The following SLC10A2 variants were observed in gnomAD, a reference collection of about 807,000 sequenced individuals.
The protein encoded by SLC10A2 is ileal sodium/bile acid cotransporter.
In SLC10A2, 34 loss-of-function variants were observed where a neutral mutation model predicts 27.1. That is an observed-to-expected ratio of 1.26 (90% CI 0.96 to 1.67). SLC10A2 has a LOEUF of 1.67. Ranked by LOEUF, SLC10A2 falls within the 40% of genes most tolerant of loss-of-function variation. The probability of loss-of-function intolerance (pLI) is 0.00; values close to 1 mark genes in which losing one functional copy is unlikely to be tolerated. For missense variants in SLC10A2, 530 were observed against 444.4 expected, an observed-to-expected ratio of 1.19 and a Z score of -1.73; for synonymous variants, 205 against 174.0, an observed-to-expected ratio of 1.18 and a Z score of -1.40.
intron 1 of SLC10A2, among the ~76,000 whole-genome samples, chr13:103,062,458 C>T (rs936266799): frequency 6.6e-6 from 1 of 152,162 alleles, no homozygotes; most frequent in African/African-American, 2.4e-5. Flanking sequence ...GAGTACTTAG[C>T]ACTGTGCATG....
chr13:103,062,166 A>C (rs901572998), intron 1 of SLC10A2, among the ~76,000 whole-genome samples: 2 of 152,230 alleles, frequency 1.3e-5, no homozygotes, highest in Non-Finnish European at 2.9e-5. Context: ...TTGTAATCAT[A>C]TTAGAAGTAA....
intron 1 of SLC10A2, among the ~76,000 whole-genome samples, chr13:103,060,651 C>T (rs1357706592): frequency 6.6e-6 from 1 of 152,110 alleles, no homozygotes; most frequent in African/African-American, 2.4e-5. Flanking sequence ...GCTGGGATTA[C>T]AGGCGGGAGC....
At chr13:103,047,207 C>T (rs1354638663) in intron 5 of SLC10A2, among the ~76,000 whole-genome samples, 1 of 152,128 alleles carries the variant, frequency 6.6e-6, no homozygotes, top group East Asian at 1.9e-4. Flanking sequence ...ATAGTAAATG[C>T]TCAATAAATG....
In SLC10A2 at chr13:103,058,266, A is replaced by G. The variant is rs1441581172; in HGVS notation, c.494T>C (p.Ile165Thr). 6.5e-7 allele frequency: 1 copy of G among 1,542,242 alleles called. No individual in the cohort carries two copies. Reference sequence around the variant, plus strand: ...AGTCTTACAGATGGATGACTTACCTATGTTATCATAGGGAATTACGATGCT... The same window carrying G: ...AGTCTTACAGATGGATGACTTACCTGTGTTATCATAGGGAATTACGATGCT... ...SGSIVIPYDNIGTSLVSLVVP... is the reference protein window; with the variant it reads ...SGSIVIPYDNTGTSLVSLVVP... The change falls in exon 2 of 6, where the codon ATA becomes ACA. Residue 165 changes from isoleucine (I) to threonine (T), a missense_variant and splice_region_variant. By Grantham distance (89) the Ile-to-Thr change is moderately conservative (BLOSUM62 -1). Transcript: ENST00000245312.
intron 2 of SLC10A2, among the ~76,000 whole-genome samples, chr13:103,055,090 A>G (rs541553522): frequency 3.3e-5 from 5 of 152,118 alleles, no homozygotes; most frequent in Non-Finnish European, 7.4e-5. Context: ...TAGATTTGGA[A>G]CTGAACCTTT....
chr13:103,061,254 T>C (rs1448601724), intron 1 of SLC10A2, among the ~76,000 whole-genome samples: 2 of 152,212 alleles, frequency 1.3e-5, no homozygotes, highest in Non-Finnish European at 2.9e-5. Flanking sequence ...TTAATAGTAC[T>C]TTGTCCTACT....
At chr13:103,054,604 A>T (rs1037201115) in intron 2 of SLC10A2, among the ~76,000 whole-genome samples, 7 of 151,908 alleles carry the variant, frequency 4.6e-5, no homozygotes, top group African/African-American at 1.4e-4. Flanking sequence ...TCCTGCTAAG[A>T]GTATTCATCT....
rs144788019 is a variant in SLC10A2, at chr13:103,049,378, G to C, written c.830C>G (p.Ser277Cys). 2 of 1,614,074 alleles carry C rather than the reference G, an allele frequency of 1.2e-6. No individual in the cohort carries two copies. Among genetic ancestry groups the C allele is most frequent in the African/African-American group, 2.7e-5 (2 of 75,040 alleles). ...GACATTGAGCTCCTCAGGAGTGAAG[G>C]AGAGCTGAACGATGGTGGAACATAG... ...TQLCSTIVQL[S>C]FTPEELNVVF... is the part of the protein sequence containing the mutation. Residue 277 changes from serine (S) to cysteine (C), a missense_variant, in exon 5 of 6, where the codon TCC (serine) becomes TGC (cysteine). By Grantham distance (112) the Ser-to-Cys change is moderately radical (BLOSUM62 -1). Transcript: ENST00000245312.
intron 2 of SLC10A2, among the ~76,000 whole-genome samples, chr13:103,054,837 C>A (rs917909198): frequency 6.6e-6 from 1 of 152,064 alleles, no homozygotes. Context: ...GGCTGGTGAT[C>A]TTGCTCTTTT....
chr13:103,049,835 T>G lies in SLC10A2; in HGVS notation c.762-389A>C, dbSNP rs547280035. 7.9e-5 allele frequency among the ~76,000 whole-genome samples: 12 copies of G among 152,274 alleles called. No homozygotes were observed. In the South Asian group the frequency reaches 2.5e-3, roughly 32 times the overall value. On this transcript the variant is annotated intron_variant, in intron 4 of 5. Transcript: ENST00000245312. ...ATGGTATTTGTTGTCGCTGTTTTATTGTTTAATTTGTTTTGTTTAGGCTGG... is the reference window on the plus strand; with the variant it reads ...ATGGTATTTGTTGTCGCTGTTTTATGGTTTAATTTGTTTTGTTTAGGCTGG...
rs1875549219 is a variant in SLC10A2 at position 103,044,471 on chromosome 13, C to G, written c.*1662G>C. 1.3e-5 allele frequency: 2 copies of G among 152,172 alleles called. No homozygotes were observed. The highest frequency in any genetic ancestry group is 4.8e-5 in the African/African-American group (2 of 41,446). 9.4% of individuals were successfully genotyped at this position (152,172 alleles called of 1,614,324 possible). A position where few individuals can be genotyped will look rare whatever the true frequency, so the allele number is the denominator to read the frequency against. ...GAAGGAAGTCTGTACCCCCTCTCCT[C>G]CACTATCTCTTAAAATTATTTAGTC... is the stretch of plus-strand genomic sequence containing the variant. On this transcript the variant is annotated 3_prime_UTR_variant, in exon 6 of 6. Coordinates refer to ENST00000245312, the MANE Select transcript of SLC10A2 (RefSeq NM_000452.3).
At chr13:103,060,381 ATTTT>A (rs33930404) in intron 1 of SLC10A2, among the ~76,000 whole-genome samples, 3,621 of 131,492 alleles carry the variant, frequency 0.028, 66 homozygotes, top group Non-Finnish European at 0.034. Context: ...TGCTACTACC[ATTTT>A]TTTTTTTTTT....
chr13:103,046,128 G>A lies in SLC10A2; in HGVS notation c.*5C>T. On this transcript the variant is annotated 3_prime_UTR_variant, in exon 6 of 6. Coordinates refer to ENST00000245312, the MANE Select transcript of SLC10A2 (RefSeq NM_000452.3). Reference sequence around the variant, plus strand: ...TGGAACTCGTCTGTTTTGTCCACTTGATGTCTACTTTTCGTCAGGTTGAAA... The same window carrying A: ...TGGAACTCGTCTGTTTTGTCCACTTAATGTCTACTTTTCGTCAGGTTGAAA... 6.2e-7 allele frequency: 1 copy of A among 1,613,588 alleles called. No homozygotes were observed. Among genetic ancestry groups the A allele is most frequent in the East Asian group, 2.2e-5 (1 of 44,830 alleles).
In SLC10A2 at chr13:103,058,331, C is replaced by G. The variant is rs200138908; in HGVS notation, c.429G>C (p.Leu143=). 25 of 1,613,986 alleles carry G rather than the reference C, an allele frequency of 1.5e-5. No individual in the cohort carries two copies. In the East Asian group the frequency reaches 4.7e-4, roughly 30 times the overall value. ...ACATTTTGGTATAGATAAGGAGGCA[C>G]AGCGGCATCATTCCGAGGGCAAGCA... ...STLLALGMMP[L]CLLIYTKMWV... The change falls in exon 2 of 6, where the codon CTG becomes CTC. Residue 143 remains leucine (L), a synonymous_variant. Coordinates refer to ENST00000245312, the MANE Select transcript of SLC10A2 (RefSeq NM_000452.3).
At chr13:103,059,874 G>A (rs1051981681) in intron 1 of SLC10A2, among the ~76,000 whole-genome samples, 1 of 152,194 alleles carries the variant, frequency 6.6e-6, no homozygotes, top group Admixed American at 6.5e-5. Flanking sequence ...GGGACAAGAA[G>A]CGGAAGCTGA....
intron 5 of SLC10A2, among the ~76,000 whole-genome samples, chr13:103,048,252 A>G (rs149455): frequency 0.88 from 134,000 of 152,040 alleles, 59,223 homozygotes; most frequent in African/African-American, 0.93. Flanking sequence ...TTAGCCTGTC[A>G]TGGTGGCGGG....
chr13:103,044,497 C>A lies in SLC10A2; in HGVS notation c.*1636G>T, dbSNP rs1490599222. ...CACTATCTCTTAAAATTATTTAGTC[C>A]ATTTTGTATTTGTCTAATGATGGAA... On this transcript the variant is annotated 3_prime_UTR_variant, in exon 6 of 6. Coordinates refer to ENST00000245312, the MANE Select transcript of SLC10A2 (RefSeq NM_000452.3). The A allele has an allele frequency of 6.6e-6, 1 of 152,098 alleles. No homozygotes were observed. The highest frequency in any genetic ancestry group is 1.9e-4 in the East Asian group (1 of 5,194). 9.4% of individuals were successfully genotyped at this position (152,098 alleles called of 1,614,324 possible).
At chr13:103,061,246 A>G (rs560463375) in intron 1 of SLC10A2, among the ~76,000 whole-genome samples, 4 of 152,356 alleles carry the variant, frequency 2.6e-5, no homozygotes, top group Non-Finnish European at 4.4e-5. Context: ...ATTTGTTATT[A>G]ATAGTACTTT....
intron 1 of SLC10A2, among the ~76,000 whole-genome samples, chr13:103,064,903 T>C (rs17334872): frequency 0.02 from 3,045 of 152,282 alleles, 45 homozygotes; most frequent in Non-Finnish European, 0.031. Flanking sequence ...GATCACTGGG[T>C]ACTCTATCAA....
Sources: allele counts gnomAD v4.1 joint callset (sites outside exome capture counted in the v4.1 genomes callset), GRCh38; gene constraint gnomAD v4.1.1; transcripts MANE v1.5; gene names NCBI Gene and HGNC (gene_info 2026-07-23, HGNC 2026-07-21).